SPEG: variants seen among roughly 807,000 people sequenced by gnomAD.
SPEG encodes the protein striated muscle enriched protein kinase, also known as striated muscle preferentially expressed protein kinase.
SPEG carries 114 observed loss-of-function variants against 300.4 expected under a neutral mutation model. That is an observed-to-expected ratio of 0.38 (90% CI 0.33 to 0.44). The LOEUF (loss-of-function observed/expected upper bound fraction) is 0.44, where lower values mean the gene tolerates loss of function less well. Among genes scored for constraint, SPEG ranks in the 20% least tolerant of loss-of-function variants. SPEG has a pLI of 1.00. For synonymous variants in SPEG, 1,964 were observed against 2,018.9 expected (o/e 0.97, Z 0.73); for missense variants, 4,201 against 4,586.2 (o/e 0.92, Z 2.43).
chr2:219,492,595 A>C lies in SPEG; in HGVS notation c.9613A>C (p.Ser3205Arg), dbSNP rs1030688649. The change falls in exon 41 of 41, where the codon AGC becomes CGC. Residue 3205 changes from serine to arginine, a missense_variant and splice_region_variant. Ser to Arg is a moderately radical substitution (Grantham distance 110). This residue lies in a region of SPEG where 318 missense variants were observed against 429.5 expected (regional missense o/e 0.74). Coordinates refer to ENST00000312358, the MANE Select transcript of SPEG (RefSeq NM_005876.5). ...LRKVLSVHPW[S>R]RPSLQDCLAH... ...ATCATCCCTGGCTCTGCCTGGCAGG[A>C]GCCGGCCCTCCCTGCAGGACTGCCT... 15 of 1,608,056 alleles carry C rather than the reference A, an allele frequency of 9.3e-6. No individual in the cohort carries two copies. Among genetic ancestry groups the C allele is most frequent in the Non-Finnish European group, 1.3e-5 (15 of 1,179,948 alleles).
chr2:219,441,993 G>GC, intron 1 of SPEG: 1 of 421,106 alleles, frequency 2.4e-6, no homozygotes, highest in Non-Finnish European at 3.7e-6. Flanking sequence ...CTCCGACTCC[G>GC]CCCCGCCCCC....
At chr2:219,453,366 A>G (rs1689919726) in intron 6 of SPEG, among the ~76,000 whole-genome samples, 1 of 152,248 alleles carries the variant, frequency 6.6e-6, no homozygotes, top group East Asian at 1.9e-4. Flanking sequence ...CTCACGGATG[A>G]AAGCGAATGT....
chr2:219,447,601 TCTTGTCTTCCCTCCCCACTTCATC>T (rs1689405118), intron 3 of SPEG, among the ~76,000 whole-genome samples: 1 of 131,772 alleles, frequency 7.6e-6, no homozygotes, highest in South Asian at 2.7e-4. Context: ...CACCCCACCC[TCTTGTCTTCCCTCCCCACTTCATC>T]CTTTGGGTCC....
Position 219,444,109 on chromosome 2 carries a change from C to G in SPEG, c.389-544C>G, listed in dbSNP as rs185988816. 1.6e-6 allele frequency: 2 copies of G among 1,282,256 alleles called. No individual in the cohort carries two copies. Among genetic ancestry groups the G allele is most frequent in the Non-Finnish European group, 2.1e-6 (2 of 959,096 alleles). 79.4% of individuals were successfully genotyped at this position (1,282,256 alleles called of 1,614,324 possible). ...CCCCCCGCATCCCCCCCTTTCCCAC[C>G]CGGCCCCGGCCTCTCCTCACCCTGC... On this transcript the variant is annotated intron_variant, in intron 1 of 40. Transcript: ENST00000312358. This position sits in a 1 kb window ranked among gnomAD's most constrained non-coding sequence, Gnocchi z 7.8.
chr2:219,479,860 G>C lies in SPEG; in HGVS notation c.5163G>C (p.Lys1721Asn). Residue 1721 changes from lysine to asparagine, a missense_variant and splice_region_variant, in exon 24 of 41, where the codon AAG (lysine) becomes AAC (asparagine). By Grantham distance (94) the Lys-to-Asn change is moderately conservative (BLOSUM62 0). Around this residue, in one of 4 missense-constraint regions of SPEG, gnomAD observed 1,047 missense variants for 1,356.8 expected, o/e 0.77. Transcript: ENST00000312358. This position sits in a 1 kb window ranked among gnomAD's most constrained non-coding sequence, Gnocchi z 5.5. ...HQSHVLHLDVKPENLLVWDGA... is the reference protein window; with the variant it reads ...HQSHVLHLDVNPENLLVWDGA... ...GCCACGTGCTGCACCTCGATGTCAA[G>C]GTGAGGTGGGGACTGGAGAGCAGAC... 6.2e-7 allele frequency: 1 copy of C among 1,614,140 alleles called. No homozygotes were observed. The highest frequency in any genetic ancestry group is 8.5e-7 in the Non-Finnish European group (1 of 1,180,010).
chr2:219,489,169 G>C lies in SPEG; in HGVS notation c.8265G>C (p.Gly2755=), dbSNP rs376454387. ...RFRVACANRA[G]QGPFSNSSEK... ...GTGTGGCCTGTGCCAACCGTGCTGG[G>C]CAGGGGCCCTTCAGCAACTCTTCTG... The change falls in exon 35 of 41, where the codon GGG becomes GGC. Residue 2755 remains glycine, a synonymous_variant. Coordinates refer to ENST00000312358, the MANE Select transcript of SPEG (RefSeq NM_005876.5). The C allele has an allele frequency of 5.3e-5, 85 of 1,613,902 alleles. No individual in the cohort carries two copies. The highest frequency in any genetic ancestry group is 4.9e-4 in the Middle Eastern group (3 of 6,082).
chr2:219,480,704 A>G lies in SPEG; in HGVS notation c.5369+7A>G, dbSNP rs1692758921. On this transcript the variant is annotated splice_region_variant and intron_variant, in intron 26 of 40. Transcript: ENST00000312358. The surrounding 1 kb of genome is among the most constrained non-coding windows in gnomAD (Gnocchi z 5.3). ...GTGTTGTTGCCTTCCTCTGGTAAGG[A>G]CCCCTCTGCAATGTCCCAGCAGTCT... The G allele has an allele frequency of 6.2e-7, 1 of 1,613,058 alleles. No individual in the cohort carries two copies. The highest frequency in any genetic ancestry group is 8.5e-7 in the Non-Finnish European group (1 of 1,179,510).
At position 219,485,367 on chromosome 2, in the gene SPEG, G is replaced by C; in HGVS notation, c.7631G>C (p.Arg2544Pro). 1.2e-6 allele frequency: 2 copies of C among 1,606,086 alleles called. No homozygotes were observed. The highest frequency in any genetic ancestry group is 1.7e-6 in the Non-Finnish European group (2 of 1,176,744). Residue 2544 changes from arginine to proline, a missense_variant, in exon 31 of 41, where the codon CGG becomes CCG. By Grantham distance (103) the Arg-to-Pro change is moderately radical (BLOSUM62 -2). Around this residue, in one of 4 missense-constraint regions of SPEG, gnomAD observed 1,578 missense variants for 1,506.0 expected, o/e 1.05. Coordinates refer to ENST00000312358, the MANE Select transcript of SPEG (RefSeq NM_005876.5). ...GSSAPGESRS[R>P]LRWGFSRPRK... Reference sequence around the variant, plus strand: ...ACAGCCCCAGGGGAAAGCCGAAGCCGGCTCCGCTGGGGCTTCTCTCGGCCG... The same window carrying C: ...ACAGCCCCAGGGGAAAGCCGAAGCCCGCTCCGCTGGGGCTTCTCTCGGCCG...
Position 219,448,809 on chromosome 2 carries a change from G to T in SPEG, c.1651G>T (p.Ala551Ser). The change falls in exon 4 of 41, where the codon GCC becomes TCC. Residue 551 changes from alanine to serine, a missense_variant. Physicochemically the swap from Ala to Ser is moderately conservative, Grantham distance 99 (BLOSUM62 1). Coordinates refer to ENST00000312358, the MANE Select transcript of SPEG (RefSeq NM_005876.5). ...TPKTSRAVSPAAAQPPSPSSA... is the reference protein window; with the variant it reads ...TPKTSRAVSPSAAQPPSPSSA... ...CAAGACATCGCGGGCCGTGAGCCCC[G>T]CCGCCGCCCAGCCGCCCTCTCCGAG... 1.4e-6 allele frequency: 2 copies of T among 1,400,292 alleles called. No homozygotes were observed. The highest frequency in any genetic ancestry group is 3.0e-5 in the East Asian group (1 of 33,092). The allele number at this position is 1,400,292 out of a possible 1,614,324, so 86.7% of individuals were successfully genotyped here.
At chr2:219,460,008 T>G (rs2125381172) in intron 6 of SPEG, among the ~76,000 whole-genome samples, 1 of 152,340 alleles carries the variant, frequency 6.6e-6, no homozygotes, top group East Asian at 1.9e-4. Flanking sequence ...AGGTTCTGTG[T>G]CCAAACCCTT....
rs875098 is a variant in SPEG, at chr2:219,488,291, G to A, written c.7839G>A (p.Pro2613=). 0.26 allele frequency: 418,670 copies of A among 1,608,898 alleles called. 56,963 individuals carry two copies. The highest frequency in any genetic ancestry group is 0.44 in the South Asian group (39,859 of 90,798). ...LLCLPAACPA[P]HISWMKDKKS... ...GCCTGCCAGCGGCCTGCCCTGCACC[G>A]CACATCTCCTGGATGAAAGGTAAGG... Residue 2613 remains proline (P), a synonymous_variant, in exon 32 of 41, where the codon CCG becomes CCA. Coordinates refer to ENST00000312358, the MANE Select transcript of SPEG (RefSeq NM_005876.5).
chr2:219,467,844 C>T (rs1448967563), intron 10 of SPEG, among the ~76,000 whole-genome samples: 1 of 152,226 alleles, frequency 6.6e-6, no homozygotes, highest in Non-Finnish European at 1.5e-5. Context: ...AAGAACAAAG[C>T]ACAGGGCCTG....
Position 219,439,881 on chromosome 2 carries a change from C to T in SPEG, c.388+4516C>T, listed in dbSNP as rs1472843333. Among the ~76,000 whole-genome samples, 1 of 152,230 alleles carries T rather than the reference C, an allele frequency of 6.6e-6. No individual in the cohort carries two copies. Among genetic ancestry groups the T allele is most frequent in the Non-Finnish European group, 1.5e-5 (1 of 68,038 alleles). ...TACCCCCTCTCATCACTCAGCTCCC[C>T]ATCTGTGAGTGGGTGTGTTTAGGGG... On this transcript the variant is annotated intron_variant, in intron 1 of 40. Coordinates refer to ENST00000312358, the MANE Select transcript of SPEG (RefSeq NM_005876.5). This position sits in a 1 kb window ranked among gnomAD's most constrained non-coding sequence, Gnocchi z 4.5.
intron 8 of SPEG, among the ~76,000 whole-genome samples, chr2:219,463,659 G>T (rs992294196): frequency 1.3e-5 from 2 of 150,494 alleles, no homozygotes; most frequent in Non-Finnish European, 3.0e-5. Context: ...ACCCACCTCG[G>T]CCTCCCAAAG....
intron 6 of SPEG, chr2:219,460,971 C>G: frequency 4.1e-6 from 4 of 984,298 alleles, no homozygotes; most frequent in Non-Finnish European, 4.8e-6. Context: ...CAGGCACAGG[C>G]TGGGGTCTGT....
intron 1 of SPEG, among the ~76,000 whole-genome samples, chr2:219,437,091 G>C (rs1340491434): frequency 6.6e-6 from 1 of 152,174 alleles, no homozygotes; most frequent in East Asian, 1.9e-4. Context: ...CTCTGCCTAA[G>C]ACGTACTAGT....
intron 40 of SPEG, 61 bp from the exon 41 acceptor site, chr2:219,492,533 A>G (rs1222837094): frequency 6.4e-7 from 1 of 1,555,108 alleles, no homozygotes; most frequent in African/African-American, 1.4e-5. Flanking sequence ...GCGGGAGGAC[A>G]GAGCCCCGGC....
Position 219,444,473 on chromosome 2 carries a change from AG to A in SPEG, c.389-176del, listed in dbSNP as rs1689138817. On this transcript the variant is annotated intron_variant, in intron 1 of 40. Transcript: ENST00000312358. The surrounding 1 kb of genome is among the most constrained non-coding windows in gnomAD (Gnocchi z 7.8). ...GATGGAGCCAGGGCACTGGCATGGG[AG>A]GGGTTATCCTGAGCAGCCCAGGCTG... Among the ~76,000 whole-genome samples, 1 of 151,884 alleles carries A rather than the reference AG, an allele frequency of 6.6e-6. No homozygotes were observed. Among genetic ancestry groups the A allele is most frequent in the Non-Finnish European group, 1.5e-5 (1 of 67,972 alleles).
At chr2:219,452,162 C>T (rs1205894642) in intron 6 of SPEG, among the ~76,000 whole-genome samples, 2 of 152,202 alleles carry the variant, frequency 1.3e-5, no homozygotes, top group Admixed American at 1.3e-4. Context: ...AAGAATCTCT[C>T]CGCTCACAGG....
Sources: gnomAD v4.1 joint callset for allele counts (sites outside exome capture counted in the v4.1 genomes callset) on GRCh38, gnomAD v4.1.1 for gene constraint, gnomAD v4.1.1 regional missense constraint, Gnocchi (gnomAD v3.1) non-coding constraint, MANE v1.5 for transcripts, NCBI Gene and HGNC (gene_info 2026-07-23, HGNC 2026-07-21) for gene names.